Variants in DMD observed in about 807,000 individuals in gnomAD.
DMD encodes mutant dystrophin.
In DMD, 63 loss-of-function variants were observed where a neutral mutation model predicts 330.1. That is an observed-to-expected ratio of 0.19 (90% CI 0.16 to 0.24). The LOEUF is 0.24. Among genes scored for constraint, DMD ranks in the 10% least tolerant of loss-of-function variants. DMD has a pLI of 1.00. For missense variants in DMD, 3,344 were observed against 2,684.1 expected (o/e 1.25, Z -5.43); for synonymous variants, 1,223 against 959.8 (o/e 1.27, Z -5.07).
At chrX:32,611,975 A>T (rs2057211784) in intron 12 of DMD, among the ~76,000 whole-genome samples, 1 of 111,833 alleles carries the variant, frequency 8.9e-6, no homozygotes, top group South Asian at 3.7e-4. Context: ...GTAGAACTGG[A>T]GCTCGAATTC....
At chrX:33,005,263 TACACACACACAAAC>T (rs1227773202) in intron 2 of DMD, among the ~76,000 whole-genome samples, 2 of 75,796 alleles carry the variant, frequency 2.6e-5, no homozygotes, top group African/African-American at 4.2e-5. Flanking sequence ...TTTTGGACTT[TACACACACACAAAC>T]ACACACACAC....
intron 1 of DMD, among the ~76,000 whole-genome samples, chrX:33,037,466 T>C (rs1032184117): frequency 9.0e-6 from 1 of 111,571 alleles, no homozygotes; most frequent in African/African-American, 3.3e-5. Flanking sequence ...CTTGTCTGCA[T>C]AGGGCCATTT....
intron 1 of DMD, among the ~76,000 whole-genome samples, chrX:33,139,553 G>C (rs2047682935): frequency 9.1e-6 from 1 of 110,296 alleles, no homozygotes; most frequent in Non-Finnish European, 1.9e-5. Context: ...CTCACGAGTG[G>C]TTTATCATCA....
chrX:33,271,073 T>C (rs1273030611), intron 1 of DMD, among the ~76,000 whole-genome samples: 1 of 111,794 alleles, frequency 8.9e-6, no homozygotes. Flanking sequence ...ATCTTAAAAT[T>C]AGCAATTACT....
At chrX:31,259,199 T>A (rs910129773) in intron 63 of DMD, among the ~76,000 whole-genome samples, 3 of 111,967 alleles carry the variant, frequency 2.7e-5, no homozygotes, top group Non-Finnish European at 5.6e-5. Flanking sequence ...AACTAGAAAT[T>A]ACTGTAATTA....
intron 44 of DMD, among the ~76,000 whole-genome samples, chrX:32,077,200 G>C (rs186863102): frequency 9.0e-6 from 1 of 111,017 alleles, no homozygotes; most frequent in Non-Finnish European, 1.9e-5. Flanking sequence ...GTATCATCAA[G>C]GTTCTGTTTT....
Position 31,451,246 on chromosome X carries a change from C to T in DMD, c.8938-6619G>A, listed in dbSNP as rs1213803181. On this transcript the variant is annotated intron_variant, in intron 59 of 78. Transcript: ENST00000357033. ...GAGACTTCTTTCTCTTTTTTCTTTC[C>T]TTCCTTCCTTCCTTCCTTTCCTTCC... 7.6e-3 allele frequency among the ~76,000 whole-genome samples: 428 copies of T among 56,276 alleles called. 4 individuals carry two copies. The highest frequency in any genetic ancestry group is 0.047 in the African/African-American group (392 of 8,361). The allele number at this position is 56,276 out of a possible 115,157, so 48.9% of individuals were successfully genotyped here.
intron 2 of DMD, among the ~76,000 whole-genome samples, chrX:32,928,171 A>T (rs2089250696): frequency 9.0e-6 from 1 of 110,920 alleles, no homozygotes; most frequent in Admixed American, 9.7e-5. Flanking sequence ...CATTTCATGA[A>T]ATGACTTTAT....
chrX:32,344,215 T>C (rs2097756871), intron 39 of DMD, among the ~76,000 whole-genome samples: 2 of 111,780 alleles, frequency 1.8e-5, no homozygotes, highest in Non-Finnish European at 1.9e-5. Flanking sequence ...GCAATTAGGG[T>C]TTTATTCACA....
intron 1 of DMD, among the ~76,000 whole-genome samples, chrX:33,202,902 A>G (rs1196123010): frequency 8.9e-6 from 1 of 111,797 alleles, no homozygotes; most frequent in Non-Finnish European, 1.9e-5. Flanking sequence ...GTTATAAGCA[A>G]TTAAAAACCT....
At chrX:32,075,325 G>A (rs1322015998) in intron 44 of DMD, among the ~76,000 whole-genome samples, 1 of 111,922 alleles carries the variant, frequency 8.9e-6, no homozygotes, top group South Asian at 3.7e-4. Context: ...CAAGCCTACA[G>A]AGTGCGTGCC....
intron 7 of DMD, among the ~76,000 whole-genome samples, chrX:32,806,517 C>G (rs2076958202): frequency 9.0e-6 from 1 of 111,132 alleles, no homozygotes; most frequent in Admixed American, 9.6e-5. Flanking sequence ...TAACACCCCA[C>G]TGCCAACATT....
At chrX:31,568,610 G>A (rs2075594490) in intron 55 of DMD, among the ~76,000 whole-genome samples, 1 of 111,557 alleles carries the variant, frequency 9.0e-6, no homozygotes, top group Non-Finnish European at 1.9e-5. Flanking sequence ...GTTGCATAAT[G>A]TAACTTTTTC....
chrX:31,494,967 C>T lies in DMD; in HGVS notation c.8547+1821G>A, dbSNP rs1414507958. On this transcript the variant is annotated intron_variant, in intron 57 of 78. Coordinates refer to ENST00000357033, the MANE Select transcript of DMD (RefSeq NM_004006.3). ...GCATAATGCATTTTTTAAAAAAGGC[C>T]CATCCTTCTCAATGAGTGCTTTTCT... Among the ~76,000 whole-genome samples the T allele has an allele frequency of 2.7e-5, 3 of 111,445 alleles. No individual in the cohort carries two copies. The East Asian group carries it at 8.4e-4, about 31-fold the overall frequency.
At chrX:32,782,713 G>A (rs184254639) in intron 7 of DMD, among the ~76,000 whole-genome samples, 3 of 110,039 alleles carry the variant, frequency 2.7e-5, no homozygotes, top group Non-Finnish European at 5.7e-5. Flanking sequence ...ACAATAGGGT[G>A]AATATAGTCA....
chrX:32,706,540 G>A (rs1374913737), intron 7 of DMD, among the ~76,000 whole-genome samples: 1 of 109,403 alleles, frequency 9.1e-6, no homozygotes, highest in African/African-American at 3.3e-5. Context: ...CTCCACCCTG[G>A]GTGAGAGAGT....
intron 52 of DMD, among the ~76,000 whole-genome samples, chrX:31,682,239 T>C (rs2082421582): frequency 8.9e-6 from 1 of 112,080 alleles, no homozygotes; most frequent in Admixed American, 9.4e-5. Flanking sequence ...ACTACTGTTT[T>C]TTTATCAGGT....
At chrX:31,239,286 A>T (rs949728971) in intron 63 of DMD, among the ~76,000 whole-genome samples, 8 of 112,364 alleles carry the variant, frequency 7.1e-5, no homozygotes, top group Admixed American at 6.6e-4. Context: ...GAATTAAATA[A>T]TTTGGGAAAT....
intron 2 of DMD, among the ~76,000 whole-genome samples, chrX:32,978,001 C>G (rs1414587350): frequency 8.9e-6 from 1 of 112,018 alleles, no homozygotes; most frequent in African/African-American, 3.2e-5. Flanking sequence ...AAATAAGGAA[C>G]TTTGTCCCAA....
Sources: allele counts gnomAD v4.1 joint callset (sites outside exome capture counted in the v4.1 genomes callset), GRCh38; gene constraint gnomAD v4.1.1; transcripts MANE v1.5; gene names NCBI Gene and HGNC (gene_info 2026-07-23, HGNC 2026-07-21).